Variants in DAB1 observed in about 807,000 individuals in gnomAD.
The protein encoded by DAB1 is DAB adaptor protein 1, also known as disabled homolog 1.
In DAB1, 15 loss-of-function variants were observed where a neutral mutation model predicts 64.6. The ratio of observed to expected loss-of-function variants is 0.23; its 90% CI spans 0.16 to 0.36. The LOEUF (loss-of-function observed/expected upper bound fraction) is 0.36, where lower values mean the gene tolerates loss of function less well. Ranked by LOEUF, DAB1 falls within the 10% of genes least tolerant of loss-of-function variation. The probability of loss-of-function intolerance (pLI) is 1.00; values close to 1 mark genes in which losing one functional copy is unlikely to be tolerated. For synonymous variants in DAB1, 235 were observed against 251.9 expected, an observed-to-expected ratio of 0.93 and a Z score of 0.64; for missense variants, 596 against 706.7, an observed-to-expected ratio of 0.84 and a Z score of 1.78.
At chr1:57,743,229 T>G (rs1648087226) in intron 6 of DAB1, among the ~76,000 whole-genome samples, 1 of 152,006 alleles carries the variant, frequency 6.6e-6, no homozygotes, top group African/African-American at 2.4e-5. Context: ...ACAAAAGAAG[T>G]AAAAATAGCC....
intron 2 of DAB1, among the ~76,000 whole-genome samples, chr1:57,223,247 G>T (rs777957552): frequency 1.3e-5 from 2 of 152,176 alleles, no homozygotes; most frequent in Non-Finnish European, 2.9e-5. Flanking sequence ...AAACTGAGGG[G>T]AATTAACATC....
chr1:57,100,214 TATGAAG>T (rs1654542069), intron 4 of DAB1, among the ~76,000 whole-genome samples: 1 of 152,182 alleles, frequency 6.6e-6, no homozygotes, highest in Non-Finnish European at 1.5e-5. Flanking sequence ...ATTAGGTTAT[TATGAAG>T]ATGAAGTGAG....
chr1:58,409,879 C>T (rs1644650434), intron 3 of DAB1, among the ~76,000 whole-genome samples: 3 of 152,186 alleles, frequency 2.0e-5, no homozygotes, highest in Admixed American at 6.5e-5. Context: ...AATTTTGTCT[C>T]CAACTGGCCA....
At chr1:57,303,822 C>T (rs554599403) in intron 1 of DAB1, among the ~76,000 whole-genome samples, 1 of 152,250 alleles carries the variant, frequency 6.6e-6, no homozygotes, top group East Asian at 1.9e-4. Context: ...AGGATTCTTC[C>T]TGTTAGAAAG....
intron 4 of DAB1, among the ~76,000 whole-genome samples, chr1:58,245,921 G>A (rs1224043593): frequency 3.3e-5 from 5 of 152,152 alleles, no homozygotes; most frequent in East Asian, 1.9e-4. Context: ...GTATGAAGAT[G>A]ATGTACATGA....
chr1:58,269,060 T>C (rs566214702), intron 4 of DAB1, among the ~76,000 whole-genome samples: 1 of 151,316 alleles, frequency 6.6e-6, no homozygotes, highest in Non-Finnish European at 1.5e-5. Flanking sequence ...CATGTGCACA[T>C]TGTGCAGGTT....
intron 7 of DAB1, among the ~76,000 whole-genome samples, chr1:57,533,682 A>AG (rs1232857531): frequency 6.6e-6 from 1 of 151,704 alleles, no homozygotes; most frequent in Middle Eastern, 3.2e-3. Flanking sequence ...TTAAAAAAAA[A>AG]AAAATGCATG....
intron 4 of DAB1, among the ~76,000 whole-genome samples, chr1:57,123,473 T>C (rs1656848885): frequency 6.6e-6 from 1 of 152,152 alleles, no homozygotes; most frequent in Admixed American, 6.6e-5. Context: ...CAATACTCCA[T>C]GCTGGCAAAT....
chr1:57,607,491 C>A (rs1303927822), intron 7 of DAB1, among the ~76,000 whole-genome samples: 1 of 152,118 alleles, frequency 6.6e-6, no homozygotes, highest in Non-Finnish European at 1.5e-5. Flanking sequence ...CATGTGAAAT[C>A]TTTTGAATTT....
intron 5 of DAB1, among the ~76,000 whole-genome samples, chr1:58,055,882 GTTATTA>G (rs71246205): frequency 9.5e-5 from 14 of 147,642 alleles, no homozygotes; most frequent in Non-Finnish European, 1.5e-4. Context: ...ATCACACCGA[GTTATTA>G]TTATTATTAT....
chr1:57,821,354 C>T (rs1652110829), downstream of DAB1, among the ~76,000 whole-genome samples: 1 of 152,180 alleles, frequency 6.6e-6, no homozygotes, highest in South Asian at 2.1e-4. Flanking sequence ...GGAAACACAG[C>T]TTCTCCAGCC....
At chr1:57,879,714 G>A (rs375322703) in intron 1 of DAB1, among the ~76,000 whole-genome samples, 1 of 152,242 alleles carries the variant, frequency 6.6e-6, no homozygotes, top group Non-Finnish European at 1.5e-5. Context: ...AGAGCCCAGT[G>A]ACTCCACCTG....
intron 1 of DAB1, among the ~76,000 whole-genome samples, chr1:57,881,929 T>C (rs5014863): frequency 0.23 from 35,678 of 152,188 alleles, 4,952 homozygotes; most frequent in Non-Finnish European, 0.31. Flanking sequence ...TTAAACCTTT[T>C]AGAAATATTA....
intron 5 of DAB1, among the ~76,000 whole-genome samples, chr1:57,996,878 T>C (rs1570194907): frequency 6.6e-6 from 1 of 152,112 alleles, no homozygotes; most frequent in Non-Finnish European, 1.5e-5. Context: ...CTCTTAGCAT[T>C]TGGGGGGTCT....
intron 2 of DAB1, among the ~76,000 whole-genome samples, chr1:57,182,506 A>C (rs553219806): frequency 6.6e-6 from 1 of 152,240 alleles, no homozygotes; most frequent in Non-Finnish European, 1.5e-5. Flanking sequence ...TACTGTTTAC[A>C]TACTAGGCAG....
intron 2 of DAB1, among the ~76,000 whole-genome samples, chr1:57,259,920 G>A (rs1308269779): frequency 6.6e-6 from 1 of 152,144 alleles, no homozygotes; most frequent in African/African-American, 2.4e-5. Context: ...CTAATTTTCT[G>A]AGGAAGAGAG....
chr1:58,302,164 A>C (rs564680705), intron 4 of DAB1, among the ~76,000 whole-genome samples: 1 of 152,304 alleles, frequency 6.6e-6, no homozygotes, highest in African/African-American at 2.4e-5. Flanking sequence ...GGTGACATTG[A>C]AAATGTCACA....
intron 4 of DAB1, among the ~76,000 whole-genome samples, chr1:57,111,991 A>ATT (rs1655702405): frequency 6.6e-6 from 1 of 152,194 alleles, no homozygotes; most frequent in Non-Finnish European, 1.5e-5. Flanking sequence ...CCTCAGTTTC[A>ATT]ATGTCTGCCA....
chr1:57,651,873 C>A (rs563404344), intron 6 of DAB1, among the ~76,000 whole-genome samples: 3 of 152,248 alleles, frequency 2.0e-5, no homozygotes, highest in South Asian at 2.1e-4. Flanking sequence ...CATATCAGTG[C>A]GAAAATTACG....
Sources: gnomAD v4.1 joint callset for allele counts (sites outside exome capture counted in the v4.1 genomes callset) on GRCh38, gnomAD v4.1.1 for gene constraint, MANE v1.5 for transcripts, NCBI Gene and HGNC (gene_info 2026-07-23, HGNC 2026-07-21) for gene names.